SCUBE1: variants seen among roughly 807,000 people sequenced by gnomAD.
The protein encoded by SCUBE1 is signal peptide, CUB and EGF-like domain-containing protein 1.
In SCUBE1, 59 loss-of-function variants were observed where a neutral mutation model predicts 124.4. The observed-to-expected ratio is 0.47, with a 90% confidence interval of 0.38 to 0.59. SCUBE1 has a LOEUF of 0.59. Among genes scored for constraint, SCUBE1 ranks in the 20% least tolerant of loss-of-function variants. The pLI, the probability that SCUBE1 is intolerant of heterozygous loss-of-function variation, is 0.00. For synonymous variants in SCUBE1, 545 were observed against 550.9 expected (o/e 0.99, Z 0.15); for missense variants, 1,150 against 1,371.2 (o/e 0.84, Z 2.55).
rs117161255 is a variant in SCUBE1, at chr22:43,260,225, G to T, written c.611-1890C>A. On this transcript the variant is annotated intron_variant, in intron 5 of 21. Transcript: ENST00000360835. ...TAATGAGGATGGAGGCCTGCCTGAG[G>T]CAACTCGAAGGGGATCCAGGCTCAG... Among the ~76,000 whole-genome samples, 512 of 152,296 alleles carry T rather than the reference G, an allele frequency of 3.4e-3. 3 individuals are homozygous for T. Among genetic ancestry groups the T allele is most frequent in the Non-Finnish European group, 5.5e-3 (372 of 68,014 alleles).
chr22:43,233,233 G>A (rs1922626982), intron 7 of SCUBE1, among the ~76,000 whole-genome samples: 2 of 152,144 alleles, frequency 1.3e-5, no homozygotes, highest in Non-Finnish European at 2.9e-5. Flanking sequence ...GCGTGGTGGC[G>A]CATGCCTGTA....
chr22:43,238,573 T>C (rs1403955726), intron 7 of SCUBE1: 1 of 604,188 alleles, frequency 1.7e-6, no homozygotes, highest in Admixed American at 2.8e-5. Context: ...CCAAATTCTC[T>C]GACATCAGTG....
Position 43,218,444 on chromosome 22 carries a change from C to G in SCUBE1, c.1702G>C (p.Asp568His), listed in dbSNP as rs1216918224. The G allele has an allele frequency of 4.3e-6, 7 of 1,611,870 alleles. No individual in the cohort carries two copies. Among genetic ancestry groups the G allele is most frequent in the Non-Finnish European group, 5.1e-6 (6 of 1,180,008 alleles). The change falls in exon 15 of 22, where the codon GAC (aspartate) becomes CAC (histidine). Residue 568 changes from aspartate to histidine, a missense_variant. By Grantham distance (81) the Asp-to-His change is moderately conservative. Around this residue, in one of 3 missense-constraint regions of SCUBE1, gnomAD observed 757 missense variants for 840.9 expected, o/e 0.90. Coordinates refer to ENST00000360835, the MANE Select transcript of SCUBE1 (RefSeq NM_173050.5). ...TGTTCTGCTCGCTTCCGCAAGCAGT[C>G]CGCTTCGCATGTGTCTGCAGGGGCA... Reference protein sequence around the residue: ...MEEASDTCEADCLRKRAEQSL... With the variant: ...MEEASDTCEAHCLRKRAEQSL...
At chr22:43,313,022 T>A (rs1243810603) in intron 3 of SCUBE1, among the ~76,000 whole-genome samples, 1 of 152,132 alleles carries the variant, frequency 6.6e-6, no homozygotes, top group Non-Finnish European at 1.5e-5. Context: ...GTAGGTCACT[T>A]CCCCTCACTA....
At chr22:43,307,692 AGT>A (rs1926021674) in intron 3 of SCUBE1, among the ~76,000 whole-genome samples, 1 of 152,208 alleles carries the variant, frequency 6.6e-6, no homozygotes, top group Non-Finnish European at 1.5e-5. Context: ...AACTGTGGCC[AGT>A]CTTGTCTCCC....
chr22:43,272,211 CTCTTGGGGTCCTGGG>C (rs1483969969), intron 4 of SCUBE1, among the ~76,000 whole-genome samples: 3 of 152,088 alleles, frequency 2.0e-5, no homozygotes, highest in African/African-American at 7.2e-5. Flanking sequence ...CCCCCAGAGC[CTCTTGGGGTCCTGGG>C]TCCCAGCTGG....
intron 3 of SCUBE1, among the ~76,000 whole-genome samples, chr22:43,291,580 A>G (rs4822275): frequency 0.91 from 137,922 of 151,006 alleles, 63,058 homozygotes; most frequent in East Asian, 1. Context: ...ATCGCGCTGC[A>G]CTACAGTGGT....
In SCUBE1 at chr22:43,197,979, C is replaced by T. The variant is rs1261111434; in HGVS notation, c.*6018G>A. ...AATCTGTAAGCTTCAGATTGATCAA[C>T]GTTTTAGAGACATTTCCTACCCTTG... On this transcript the variant is annotated 3_prime_UTR_variant, in exon 22 of 22. Transcript: ENST00000360835. 3 of 153,016 alleles carry T rather than the reference C, an allele frequency of 2.0e-5. No individual in the cohort carries two copies. The highest frequency in any genetic ancestry group is 1.3e-4 in the Admixed American group (2 of 15,380). 9.5% of individuals were successfully genotyped at this position (153,016 alleles called of 1,614,324 possible).
chr22:43,210,789 A>G lies in SCUBE1; in HGVS notation c.2383+133T>C. The G allele has an allele frequency of 9.1e-7, 1 of 1,099,676 alleles. No individual in the cohort carries two copies. Among genetic ancestry groups the G allele is most frequent in the South Asian group, 1.5e-5 (1 of 67,684 alleles). 68.1% of individuals were successfully genotyped at this position (1,099,676 alleles called of 1,614,324 possible). On this transcript the variant is annotated intron_variant, in intron 18 of 21. Transcript: ENST00000360835. The surrounding 1 kb of genome is among the most constrained non-coding windows in gnomAD (Gnocchi z 4.5). ...TCCAGATGGATGCAATGCACCCGAGAGCAGACGGGACGGAGCGGGAGGAGT... is the reference window on the plus strand; with the variant it reads ...TCCAGATGGATGCAATGCACCCGAGGGCAGACGGGACGGAGCGGGAGGAGT...
chr22:43,301,230 G>A lies in SCUBE1; in HGVS notation c.350-10050C>T, dbSNP rs555404798. On this transcript the variant is annotated intron_variant, in intron 3 of 21. Coordinates refer to ENST00000360835, the MANE Select transcript of SCUBE1 (RefSeq NM_173050.5). ...GCTGGGCCAGTCGCCCTCGTCTCTG[G>A]CCTGGATTCTCGAACTCCCTGCCTC... 2.2e-4 allele frequency among the ~76,000 whole-genome samples: 33 copies of A among 152,186 alleles called. No homozygotes were observed. In the South Asian group the frequency reaches 6.6e-3, roughly 31 times the overall value.
At chr22:43,314,032 G>T (rs1926258099) in intron 3 of SCUBE1, among the ~76,000 whole-genome samples, 1 of 152,184 alleles carries the variant, frequency 6.6e-6, no homozygotes, top group Non-Finnish European at 1.5e-5. Context: ...AGACAAAACA[G>T]AGGAGGTGCG....
At chr22:43,271,029 C>A (rs919893713) in intron 4 of SCUBE1, among the ~76,000 whole-genome samples, 1 of 152,344 alleles carries the variant, frequency 6.6e-6, no homozygotes, top group African/African-American at 2.4e-5. Context: ...CCTTCCCACC[C>A]TAAGCCTTTG....
At chr22:43,290,321 T>A (rs113251208) in intron 4 of SCUBE1, among the ~76,000 whole-genome samples, 2 of 151,392 alleles carry the variant, frequency 1.3e-5, no homozygotes, top group African/African-American at 4.9e-5. Context: ...GTGTCCTGGC[T>A]CTCTCCTCCA....
chr22:43,235,229 C>T (rs911728748), intron 7 of SCUBE1, among the ~76,000 whole-genome samples: 1 of 152,174 alleles, frequency 6.6e-6, no homozygotes, highest in Non-Finnish European at 1.5e-5. Flanking sequence ...TGAGTGGACT[C>T]TTTGGGTACA....
intron 3 of SCUBE1, among the ~76,000 whole-genome samples, chr22:43,291,701 G>C (rs912640298): frequency 6.6e-6 from 1 of 152,144 alleles, no homozygotes; most frequent in Non-Finnish European, 1.5e-5. Context: ...GTACTCCCGA[G>C]AGCAAGTCCT....
At chr22:43,281,420 CTCCTG>C (rs1924845654) in intron 4 of SCUBE1, among the ~76,000 whole-genome samples, 1 of 96,072 alleles carries the variant, frequency 1.0e-5, no homozygotes, top group African/African-American at 8.6e-5. Context: ...CTCAGCCATC[CTCCTG>C]TCACCTCCCT....
chr22:43,278,289 C>T (rs1232207968), intron 4 of SCUBE1, among the ~76,000 whole-genome samples: 1 of 152,240 alleles, frequency 6.6e-6, no homozygotes, highest in Non-Finnish European at 1.5e-5. Flanking sequence ...GAACCTGCAA[C>T]CCCACATGTC....
chr22:43,226,023 G>C (rs544704438), intron 10 of SCUBE1, among the ~76,000 whole-genome samples: 5 of 152,296 alleles, frequency 3.3e-5, no homozygotes, highest in Admixed American at 2.6e-4. Flanking sequence ...CCACAAGTAC[G>C]TGATAAACTC....
At chr22:43,219,997 C>G (rs949264566) in intron 14 of SCUBE1, among the ~76,000 whole-genome samples, 1 of 152,240 alleles carries the variant, frequency 6.6e-6, no homozygotes, top group Non-Finnish European at 1.5e-5. Context: ...CAGATCCCAT[C>G]TCTTCAACAT....
Sources: gnomAD v4.1 joint callset for allele counts (sites outside exome capture counted in the v4.1 genomes callset) on GRCh38, gnomAD v4.1.1 for gene constraint, gnomAD v4.1.1 regional missense constraint, Gnocchi (gnomAD v3.1) non-coding constraint, MANE v1.5 for transcripts, NCBI Gene and HGNC (gene_info 2026-07-23, HGNC 2026-07-21) for gene names.